TMPRSS12: variants seen among roughly 807,000 people sequenced by gnomAD.
TMPRSS12 encodes the protein transmembrane serine protease 12, also known as transmembrane protease serine 12.
In TMPRSS12, 25 loss-of-function variants were observed where a neutral mutation model predicts 26.0. The ratio of observed to expected loss-of-function variants is 0.96; its 90% CI spans 0.70 to 1.34. The LOEUF (loss-of-function observed/expected upper bound fraction) is 1.34, where lower values mean the gene tolerates loss of function less well. Among genes scored for constraint, TMPRSS12 ranks in the 40% most tolerant of loss-of-function variants. TMPRSS12 has a pLI of 0.00. For synonymous variants in TMPRSS12, 150 were observed against 161.7 expected (o/e 0.93, Z 0.55); for missense variants, 441 against 440.1 (o/e 1.00, Z -0.02).
chr12:50,846,510 A>C (rs929059227), intron 2 of TMPRSS12, among the ~76,000 whole-genome samples: 7 of 151,468 alleles, frequency 4.6e-5, no homozygotes, highest in African/African-American at 1.7e-4. Flanking sequence ...ATCTGTCCTT[A>C]TGCTAGTATC....
In TMPRSS12 at chr12:50,858,741, GTTAA is replaced by G. The variant is rs781043021; in HGVS notation, c.384-39_384-36del. Reference sequence around the variant, plus strand: ...GTGGGAGATTAAGAATATGTACTTAGTTAATTAAAGATATTTATAATAAGAATGT... The same window carrying G: ...GTGGGAGATTAAGAATATGTACTTAGTTAAAGATATTTATAATAAGAATGT... On this transcript the variant is annotated intron_variant, in intron 2 of 4. Coordinates refer to ENST00000398458, the MANE Select transcript of TMPRSS12 (RefSeq NM_182559.3). The G allele has an allele frequency of 1.8e-5, 25 of 1,392,060 alleles. No homozygotes were observed. In the East Asian group the frequency reaches 6.4e-4, roughly 36 times the overall value. 86.2% of individuals were successfully genotyped at this position (1,392,060 alleles called of 1,614,324 possible).
intron 1 of TMPRSS12, 43 bp from the exon 2 acceptor site, chr12:50,843,799 C>A (rs1937737144): frequency 6.5e-7 from 1 of 1,531,754 alleles, no homozygotes; most frequent in Non-Finnish European, 8.8e-7. Flanking sequence ...GTAACACATA[C>A]TATAGATGCT....
In TMPRSS12 at chr12:50,843,696, T is replaced by A. The variant is rs888283258; in HGVS notation, c.188-146T>A. ...ATTTGTCTTAACTCTCCAAGTTTCT[T>A]TCAAAATATGGGCGTGTCTCCGGTA... is the stretch of plus-strand genomic sequence containing the variant. On this transcript the variant is annotated intron_variant, in intron 1 of 4. Transcript: ENST00000398458. 3 of 750,032 alleles carry A rather than the reference T, an allele frequency of 4.0e-6. No individual in the cohort carries two copies. In the East Asian group the frequency reaches 9.4e-5, roughly 23 times the overall value. 46.5% of individuals were successfully genotyped at this position (750,032 alleles called of 1,614,324 possible).
chr12:50,875,552 T>C (rs1403916911), intron 3 of TMPRSS12, among the ~76,000 whole-genome samples: 1 of 145,564 alleles, frequency 6.9e-6, no homozygotes, highest in Admixed American at 6.9e-5. Context: ...CAAAACAGCA[T>C]GGTATTGTTA....
intron 3 of TMPRSS12, among the ~76,000 whole-genome samples, chr12:50,880,426 T>C (rs1938152122): frequency 6.6e-6 from 1 of 152,082 alleles, no homozygotes; most frequent in Admixed American, 6.6e-5. Context: ...GAAACCTCAA[T>C]GAGATGCCAC....
At chr12:50,843,316 T>C (rs761093751) in intron 1 of TMPRSS12, among the ~76,000 whole-genome samples, 165 bp downstream of exon 1, 3 of 152,224 alleles carry the variant, frequency 2.0e-5, no homozygotes, top group Non-Finnish European at 4.4e-5. Context: ...GTAGTTGTAA[T>C]AGTGAAATGA....
Sources: gnomAD v4.1 joint callset for allele counts (sites outside exome capture counted in the v4.1 genomes callset) on GRCh38, gnomAD v4.1.1 for gene constraint, MANE v1.5 for transcripts, NCBI Gene and HGNC (gene_info 2026-07-23, HGNC 2026-07-21) for gene names.